Variants in CDC73 observed in about 807,000 individuals in gnomAD.
The protein encoded by CDC73 is cell division cycle 73.
Under a neutral mutation model 83.7 loss-of-function variants are expected in CDC73, and 21 were observed. The observed-to-expected ratio is 0.25, with a 90% CI of 0.18 to 0.36. The LOEUF (loss-of-function observed/expected upper bound fraction) is 0.36. Ranked by LOEUF, CDC73 falls within the 10% of genes least tolerant of loss-of-function variation. CDC73 has a pLI of 1.00. For synonymous variants in CDC73, 224 were observed against 212.9 expected (o/e 1.05, Z -0.45); for missense variants, 342 against 653.3 (o/e 0.52, Z 5.19).
chr1:193,218,715 G>T (rs1677412246), intron 13 of CDC73, among the ~76,000 whole-genome samples: 1 of 152,118 alleles, frequency 6.6e-6, no homozygotes, highest in South Asian at 2.1e-4. Flanking sequence ...AAATGCAGAA[G>T]ATTGAAACCG....
Position 193,122,073 on chromosome 1 carries a change from T to C in CDC73, c.-128T>C, listed in dbSNP as rs1675457224. Reference sequence around the variant, plus strand: ...TGTCGTAGGCGAGGACGGCTGTTAGTGCTGCTGCTGTTGGTTCGTCGCGGC... The same window carrying C: ...TGTCGTAGGCGAGGACGGCTGTTAGCGCTGCTGCTGTTGGTTCGTCGCGGC... On this transcript the variant is annotated 5_prime_UTR_variant, in exon 1 of 17. Transcript: ENST00000367435. 2 of 850,802 alleles carry C rather than the reference T, an allele frequency of 2.4e-6. No individual in the cohort carries two copies. The highest frequency in any genetic ancestry group is 5.2e-5 in the East Asian group (2 of 38,174). The allele number at this position is 850,802 out of a possible 1,614,324, so 52.7% of individuals were successfully genotyped here. A position where few individuals can be genotyped will look rare whatever the true frequency, so the allele number is the denominator to read the frequency against.
intron 15 of CDC73, among the ~76,000 whole-genome samples, chr1:193,240,735 T>G (rs1677842555): frequency 6.6e-6 from 1 of 152,234 alleles, no homozygotes; most frequent in African/African-American, 2.4e-5. Context: ...TCTTGCATAT[T>G]AGTCCCTTGT....
At chr1:193,175,238 TTATGTGGA>T (rs1450635373) in intron 10 of CDC73, among the ~76,000 whole-genome samples, 6 of 152,258 alleles carry the variant, frequency 3.9e-5, no homozygotes, top group Admixed American at 3.3e-4. Context: ...TGGCAACAGA[TTATGTGGA>T]TATGAGGAAA....
rs886045716 is a variant in CDC73 at position 193,251,668 on chromosome 1, T to C, written c.*956T>C. On this transcript the variant is annotated 3_prime_UTR_variant, in exon 17 of 17. Transcript: ENST00000367435. ...ACCAAAGAAAACATTTGCTTAATTG[T>C]CTGAAAAGAAACAAGAGAAAAACAC... 4.3e-6 allele frequency: 1 copy of C among 232,218 alleles called. No individual in the cohort carries two copies. 14.4% of individuals were successfully genotyped at this position (232,218 alleles called of 1,614,324 possible).
intron 10 of CDC73, among the ~76,000 whole-genome samples, chr1:193,191,895 C>A (rs1427520461): frequency 6.6e-6 from 1 of 152,070 alleles, no homozygotes; most frequent in Non-Finnish European, 1.5e-5. Context: ...TCCACTGGGT[C>A]AGCACCTTTG....
intron 10 of CDC73, among the ~76,000 whole-genome samples, chr1:193,200,420 T>C (rs1677073254): frequency 6.6e-6 from 1 of 152,242 alleles, no homozygotes; most frequent in Admixed American, 6.5e-5. Flanking sequence ...TTTGCTAAAA[T>C]AATGAAAGCA....
At chr1:193,188,943 T>A (rs964636508) in intron 10 of CDC73, among the ~76,000 whole-genome samples, 1 of 152,030 alleles carries the variant, frequency 6.6e-6, no homozygotes. Flanking sequence ...ACCTCTTTCT[T>A]TCTGTCTGTC....
At chr1:193,169,950 C>T (rs925745716) in intron 10 of CDC73, among the ~76,000 whole-genome samples, 4 of 152,114 alleles carry the variant, frequency 2.6e-5, no homozygotes, top group African/African-American at 9.7e-5. Context: ...TCTCTCTCTG[C>T]TCTCCACCCT....
intron 13 of CDC73, among the ~76,000 whole-genome samples, chr1:193,230,625 A>G (rs1375711798): frequency 6.6e-6 from 1 of 152,004 alleles, no homozygotes; most frequent in Non-Finnish European, 1.5e-5. Context: ...AGAAATAACC[A>G]GTTTTCTGGA....
intron 7 of CDC73, 97 bp downstream of exon 7, chr1:193,142,163 G>A (rs1394637539): frequency 2.9e-6 from 3 of 1,032,004 alleles, no homozygotes; most frequent in African/African-American, 1.6e-5. Context: ...TTGCTTTTAG[G>A]TGGAAGTTTC....
rs3795616 is a variant in CDC73 at position 193,186,398 on chromosome 1, A to G, written c.973-17397A>G. The stretch of plus-strand genomic sequence containing the variant: ...GTGCTGTGTTCTCGTCTCAGTATCC[A>G]TATTTCTACTAATAACACTGAGCTG... On this transcript the variant is annotated intron_variant, in intron 10 of 16. Coordinates refer to ENST00000367435, the MANE Select transcript of CDC73 (RefSeq NM_024529.5). The G allele has an allele frequency of 8.5e-5, 13 of 152,626 alleles. No homozygotes were observed. The East Asian group carries it at 2.1e-3, about 25-fold the overall frequency. The allele number at this position is 152,626 out of a possible 1,614,324, so 9.5% of individuals were successfully genotyped here.
chr1:193,143,677 T>A (rs1675945248), intron 7 of CDC73, among the ~76,000 whole-genome samples: 1 of 152,226 alleles, frequency 6.6e-6, no homozygotes, highest in African/African-American at 2.4e-5. Flanking sequence ...TGGTAAACTC[T>A]AAAAATACTC....
chr1:193,188,436 A>T (rs913369428), intron 10 of CDC73, among the ~76,000 whole-genome samples: 2 of 151,744 alleles, frequency 1.3e-5, no homozygotes, highest in Non-Finnish European at 2.9e-5. Context: ...TGCTAGAGAA[A>T]TTGTGGGATT....
At chr1:193,225,245 G>GATAGATATAT (rs1677546268) in intron 13 of CDC73, among the ~76,000 whole-genome samples, 1 of 143,562 alleles carries the variant, frequency 7.0e-6, no homozygotes, top group Non-Finnish European at 1.5e-5. Flanking sequence ...AGTATTCCAT[G>GATAGATATAT]ATATATATAT....
intron 10 of CDC73, among the ~76,000 whole-genome samples, chr1:193,166,631 C>A (rs971893188): frequency 1.3e-5 from 2 of 151,264 alleles, no homozygotes; most frequent in South Asian, 2.1e-4. Flanking sequence ...AGAGATAAAT[C>A]AAATTTTCAC....
intron 13 of CDC73, among the ~76,000 whole-genome samples, chr1:193,223,440 T>C (rs1677507785): frequency 6.6e-6 from 1 of 152,150 alleles, no homozygotes; most frequent in South Asian, 2.1e-4. Flanking sequence ...TAGATACTGT[T>C]GTTCTTGCTG....
chr1:193,249,998 C>CTT (rs1678020599), intron 16 of CDC73, 127 bp downstream of exon 16: 4 of 850,380 alleles, frequency 4.7e-6, no homozygotes, highest in Non-Finnish European at 7.9e-6. Context: ...TAACTTGATG[C>CTT]TTATCTTCAG....
chr1:193,202,104 G>T (rs1227011853), intron 10 of CDC73, among the ~76,000 whole-genome samples: 1 of 152,086 alleles, frequency 6.6e-6, no homozygotes, highest in African/African-American at 2.4e-5. Context: ...TAAGTAATAT[G>T]ATTAGTTTAC....
chr1:193,185,504 G>A (rs930832150), intron 10 of CDC73, among the ~76,000 whole-genome samples: 1 of 151,876 alleles, frequency 6.6e-6, no homozygotes, highest in African/African-American at 2.4e-5. Context: ...GGGAGATGTT[G>A]GGGAAGATTT....
Sources: gnomAD v4.1 joint callset for allele counts (sites outside exome capture counted in the v4.1 genomes callset) on GRCh38, gnomAD v4.1.1 for gene constraint, MANE v1.5 for transcripts, NCBI Gene and HGNC (gene_info 2026-07-23, HGNC 2026-07-21) for gene names.